Variants in GNB5 observed in about 807,000 individuals in gnomAD.
The protein encoded by GNB5 is guanine nucleotide-binding protein subunit beta-5.
GNB5 carries 37 observed loss-of-function variants against 55.3 expected under a neutral mutation model. That is an observed-to-expected ratio of 0.67 (90% CI 0.51 to 0.88). GNB5 has a LOEUF of 0.88. Ranked by LOEUF, GNB5 falls within the 40% of genes least tolerant of loss-of-function variation. The pLI is 0.00. For missense variants in GNB5, 476 were observed against 515.3 expected (o/e 0.92, Z 0.74); for synonymous variants, 219 against 198.5 (o/e 1.10, Z -0.87).
intron 2 of GNB5, among the ~76,000 whole-genome samples, chr15:52,182,084 T>C (rs2034780475): frequency 6.6e-6 from 1 of 152,120 alleles, no homozygotes; most frequent in African/African-American, 2.4e-5. Flanking sequence ...GCCTGAGGGA[T>C]TTACTTGTGG....
At chr15:52,189,193 A>G (rs1190525554) in intron 1 of GNB5, among the ~76,000 whole-genome samples, 2 of 152,228 alleles carry the variant, frequency 1.3e-5, no homozygotes, top group African/African-American at 4.8e-5. Flanking sequence ...CCGTTTTCCA[A>G]TGGTGCAGCT....
intron 3 of GNB5, among the ~76,000 whole-genome samples, chr15:52,166,594 T>G (rs1003839743): frequency 3.3e-5 from 5 of 152,138 alleles, no homozygotes; most frequent in Non-Finnish European, 5.9e-5. Context: ...CCTAGGTAAA[T>G]AATGAAATTA....
At chr15:52,124,104 C>T (rs915306004) in intron 12 of GNB5, among the ~76,000 whole-genome samples, 21 of 151,074 alleles carry the variant, frequency 1.4e-4, no homozygotes, top group African/African-American at 4.9e-4. Context: ...GGTCAATAAT[C>T]GTAATAAGAA....
intron 5 of GNB5, among the ~76,000 whole-genome samples, chr15:52,148,315 GGTATGAA>G (rs2034019779): frequency 1.3e-5 from 2 of 152,200 alleles, no homozygotes; most frequent in South Asian, 4.1e-4. Flanking sequence ...TCCCAGGGAA[GGTATGAA>G]TGGGTCAGGG....
At chr15:52,164,633 A>T (rs2141226342) in intron 3 of GNB5, among the ~76,000 whole-genome samples, 1 of 152,142 alleles carries the variant, frequency 6.6e-6, no homozygotes, top group Non-Finnish European at 1.5e-5. Flanking sequence ...ATCTCAAAAT[A>T]AATAAATAAA....
rs1031996779 is a variant in GNB5, at chr15:52,122,202, G to A, written c.*555C>T. 1 of 152,176 alleles carries A rather than the reference G, an allele frequency of 6.6e-6. No individual in the cohort carries two copies. The highest frequency in any genetic ancestry group is 1.5e-5 in the Non-Finnish European group (1 of 68,082). The allele number at this position is 152,176 out of a possible 1,614,324, so 9.4% of individuals were successfully genotyped here. ...GTATCTGAAAAAAGACAATAGAACA[G>A]GAAGCTGAAAAAGATACTTTTACAA... is the stretch of plus-strand genomic sequence containing the variant. On this transcript the variant is annotated 3_prime_UTR_variant, in exon 13 of 13. Transcript: ENST00000261837.
rs2141178491 is a variant in GNB5, at chr15:52,121,892, A to C, written c.*865T>G. 6.6e-6 allele frequency: 1 copy of C among 152,314 alleles called. No individual in the cohort carries two copies. Among genetic ancestry groups the C allele is most frequent in the East Asian group, 1.9e-4 (1 of 5,182 alleles). 9.4% of individuals were successfully genotyped at this position (152,314 alleles called of 1,614,324 possible). On this transcript the variant is annotated 3_prime_UTR_variant, in exon 13 of 13. Coordinates refer to ENST00000261837, the MANE Select transcript of GNB5 (RefSeq NM_016194.4). ...CAAGCGTGAGCCACCGCGCCCGGCC[A>C]TGAATATAATTTATATGGACAAGAT...
chr15:52,145,015 G>A (rs1049543671), intron 6 of GNB5, among the ~76,000 whole-genome samples: 14 of 152,088 alleles, frequency 9.2e-5, no homozygotes, highest in African/African-American at 3.4e-4. Flanking sequence ...CATGAGTTTG[G>A]CGAGTTGTTT....
chr15:52,135,533 C>T, intron 8 of GNB5, 80 bp downstream of exon 8: 1 of 1,263,760 alleles, frequency 7.9e-7, no homozygotes, highest in Non-Finnish European at 1.1e-6. Context: ...CTAGGCTAAT[C>T]CCATGAATGG....
intron 9 of GNB5, among the ~76,000 whole-genome samples, chr15:52,132,818 C>T (rs534106039): frequency 6.6e-6 from 1 of 151,994 alleles, no homozygotes; most frequent in African/African-American, 2.4e-5. Flanking sequence ...GACCACCTGG[C>T]CTTTTGTTAG....
At chr15:52,153,875 C>G in intron 4 of GNB5, 65 bp downstream of exon 4, 19,682 of 1,136,382 alleles carry the variant, frequency 0.017, no homozygotes, top group Non-Finnish European at 0.023. Flanking sequence ...AAAGGGACAG[C>G]TCTCCTCCCC....
chr15:52,178,138 G>A (rs1042981154), intron 3 of GNB5, among the ~76,000 whole-genome samples: 1 of 152,154 alleles, frequency 6.6e-6, no homozygotes, highest in African/African-American at 2.4e-5. Context: ...AGCTCAAAAC[G>A]GGTTTGGCGA....
At chr15:52,165,227 C>T (rs555463805) in intron 3 of GNB5, among the ~76,000 whole-genome samples, 4 of 152,204 alleles carry the variant, frequency 2.6e-5, no homozygotes, top group African/African-American at 9.6e-5. Context: ...AAGACTGAAC[C>T]TACAACTGAT....
chr15:52,146,736 ATTT>A (rs60737688), intron 6 of GNB5, among the ~76,000 whole-genome samples: 56 of 110,902 alleles, frequency 5.0e-4, no homozygotes, highest in African/African-American at 6.5e-4. Flanking sequence ...AGCTAATTAG[ATTT>A]TTTTTTTTTT....
chr15:52,180,047 C>T, intron 2 of GNB5, 168 bp from the exon 3 acceptor site: 4 of 867,572 alleles, frequency 4.6e-6, no homozygotes, highest in South Asian at 5.0e-5. Context: ...AGCCCCAAGA[C>T]CCCGCACCTG....
chr15:52,134,924 C>T (rs1195554432), intron 8 of GNB5, among the ~76,000 whole-genome samples: 1 of 152,016 alleles, frequency 6.6e-6, no homozygotes. Context: ...ACTGCTTGTA[C>T]CATCCTGGGG....
intron 2 of GNB5, 186 bp from the exon 3 acceptor site, chr15:52,180,065 G>C (rs943505613): frequency 1.5e-6 from 1 of 669,340 alleles, no homozygotes; most frequent in Non-Finnish European, 2.0e-6. Context: ...CTGGGCGCGC[G>C]CTCTGGCGCA....
intron 7 of GNB5, chr15:52,139,597 T>C (rs552314090): frequency 8.4e-5 from 22 of 260,968 alleles, no homozygotes; most frequent in South Asian, 7.2e-4. Flanking sequence ...ACTATCCTCA[T>C]GTGCAGGTGA....
At chr15:52,189,815 A>G (rs947177756) in intron 1 of GNB5, among the ~76,000 whole-genome samples, 4 of 152,170 alleles carry the variant, frequency 2.6e-5, no homozygotes, top group African/African-American at 9.7e-5. Flanking sequence ...GCCAGACACA[A>G]AAGGCCACAT....
Sources: allele counts gnomAD v4.1 joint callset (sites outside exome capture counted in the v4.1 genomes callset), GRCh38; gene constraint gnomAD v4.1.1; transcripts MANE v1.5; gene names NCBI Gene and HGNC (gene_info 2026-07-23, HGNC 2026-07-21).